The following EYA2 variants were observed in gnomAD, a reference collection of about 807,000 sequenced individuals.
EYA2 encodes protein phosphatase EYA2.
In EYA2, 31 loss-of-function variants were observed where a neutral mutation model predicts 69.2. The observed-to-expected ratio is 0.45, with a 90% confidence interval of 0.34 to 0.60. The LOEUF is 0.60. EYA2 is among the 20% of genes least tolerant of loss of function. The probability of loss-of-function intolerance (pLI) is 0.02; values close to 1 mark genes in which losing one functional copy is unlikely to be tolerated. For missense variants in EYA2, 622 were observed against 701.2 expected, an observed-to-expected ratio of 0.89 and a Z score of 1.28; for synonymous variants, 257 against 279.4, an observed-to-expected ratio of 0.92 and a Z score of 0.80.
intron 15 of EYA2, among the ~76,000 whole-genome samples, chr20:47,186,678 G>A (rs1600784211): frequency 6.6e-6 from 1 of 151,982 alleles, no homozygotes; most frequent in Non-Finnish European, 1.5e-5. Flanking sequence ...GTTCTTCAAG[G>A]TCTGGGTCTC....
At position 47,073,132 on chromosome 20, in the gene EYA2, A is replaced by C. The variant is rs189984766; in HGVS notation, c.483+880A>C. On this transcript the variant is annotated intron_variant, in intron 6 of 15. Transcript: ENST00000327619. Reference sequence around the variant, plus strand: ...TTTCAAAAACACTGACCACCCCCGCAACCCCCACCCCCAGGAACTCTGACT... The same window carrying C: ...TTTCAAAAACACTGACCACCCCCGCCACCCCCACCCCCAGGAACTCTGACT... 3.3e-5 allele frequency among the ~76,000 whole-genome samples: 5 copies of C among 152,240 alleles called. No homozygotes were observed. The East Asian group carries it at 5.8e-4, about 18-fold the overall frequency.
At chr20:47,082,661 A>G (rs1336692343) in intron 7 of EYA2, among the ~76,000 whole-genome samples, 1 of 152,208 alleles carries the variant, frequency 6.6e-6, no homozygotes, top group African/African-American at 2.4e-5. Flanking sequence ...AAATTGAGCT[A>G]TAAGATTAAT....
chr20:47,004,846 A>G, intron 3 of EYA2, 96 bp from the exon 4 acceptor site: 1 of 1,535,276 alleles, frequency 6.5e-7, no homozygotes, highest in South Asian at 1.1e-5. Flanking sequence ...TGGAAAGAGT[A>G]GAACCCCAAA....
Position 46,956,175 on chromosome 20 carries a change from T to C in EYA2, c.-10-33826T>C, listed in dbSNP as rs146965601. Among the ~76,000 whole-genome samples the C allele has an allele frequency of 2.3e-3, 357 of 152,334 alleles. 1 individual carries two copies. Among genetic ancestry groups the C allele is most frequent in the African/African-American group, 8.1e-3 (336 of 41,570 alleles). Reference sequence around the variant, plus strand: ...GGGAGCAGGTGGCAGGAAGAATCACTGATTGTTTTTTAAAAATAATACATT... The same window carrying C: ...GGGAGCAGGTGGCAGGAAGAATCACCGATTGTTTTTTAAAAATAATACATT... On this transcript the variant is annotated intron_variant, in intron 1 of 15. Transcript: ENST00000327619.
At chr20:46,922,973 A>G (rs1485019582) in intron 1 of EYA2, among the ~76,000 whole-genome samples, 1 of 152,212 alleles carries the variant, frequency 6.6e-6, no homozygotes, top group Non-Finnish European at 1.5e-5. Context: ...TAATAAGAAA[A>G]GAGCAGACAA....
intron 1 of EYA2, among the ~76,000 whole-genome samples, chr20:46,941,852 G>T (rs1240599955): frequency 6.6e-6 from 1 of 151,824 alleles, no homozygotes; most frequent in East Asian, 1.9e-4. Flanking sequence ...TCAAACTCCT[G>T]GGCTCAAGGA....
At chr20:46,988,532 A>G (rs1981443507) in intron 1 of EYA2, among the ~76,000 whole-genome samples, 1 of 152,178 alleles carries the variant, frequency 6.6e-6, no homozygotes, top group Non-Finnish European at 1.5e-5. Context: ...GATCTTGCCA[A>G]GGATGACCTT....
At chr20:47,091,085 C>T (rs1249539191) in intron 8 of EYA2, among the ~76,000 whole-genome samples, 1 of 152,160 alleles carries the variant, frequency 6.6e-6, no homozygotes, top group African/African-American at 2.4e-5. Context: ...CTGCAATGCT[C>T]AGCCACAAAC....
chr20:47,108,089 G>A (rs535970533), intron 9 of EYA2, among the ~76,000 whole-genome samples: 2 of 152,304 alleles, frequency 1.3e-5, no homozygotes, highest in South Asian at 2.1e-4. Flanking sequence ...GGAGCTGGTA[G>A]AGATTTGGAG....
At chr20:47,073,637 C>T (rs987946072) in intron 6 of EYA2, among the ~76,000 whole-genome samples, 66 of 152,194 alleles carry the variant, frequency 4.3e-4, no homozygotes, top group African/African-American at 1.5e-3. Flanking sequence ...ATCAGGGCCA[C>T]GTCTATATCC....
intron 1 of EYA2, among the ~76,000 whole-genome samples, chr20:46,938,924 TA>T (rs1353586847): frequency 6.6e-6 from 1 of 152,208 alleles, no homozygotes; most frequent in African/African-American, 2.4e-5. Flanking sequence ...GACCACACAT[TA>T]ATACTGTACT....
At chr20:46,918,779 G>A (rs536777972) in intron 1 of EYA2, among the ~76,000 whole-genome samples, 29 of 152,318 alleles carry the variant, frequency 1.9e-4, no homozygotes, top group Middle Eastern at 3.4e-3. Context: ...ATCTTTTCTA[G>A]AAGGTTTTCA....
intron 9 of EYA2, among the ~76,000 whole-genome samples, chr20:47,125,971 A>G (rs2033181201): frequency 6.6e-6 from 1 of 152,142 alleles, no homozygotes; most frequent in African/African-American, 2.4e-5. Context: ...TCAGGACGTC[A>G]GGGTAATTGA....
At chr20:47,146,869 G>A (rs2033712879) in intron 10 of EYA2, among the ~76,000 whole-genome samples, 1 of 152,194 alleles carries the variant, frequency 6.6e-6, no homozygotes, top group Admixed American at 6.5e-5. Context: ...ACCAAACACA[G>A]CAAGACCCGT....
chr20:46,991,576 AG>A (rs1981661775), intron 2 of EYA2, among the ~76,000 whole-genome samples: 1 of 152,202 alleles, frequency 6.6e-6, no homozygotes, highest in Non-Finnish European at 1.5e-5. Flanking sequence ...CTGGCCCTGA[AG>A]TTTGTCTTTG....
intron 5 of EYA2, among the ~76,000 whole-genome samples, chr20:47,066,658 C>G (rs2031119395): frequency 6.6e-6 from 1 of 152,174 alleles, no homozygotes; most frequent in African/African-American, 2.4e-5. Flanking sequence ...TAGAACTCAT[C>G]ATGTGGCCAC....
At chr20:46,907,823 A>G (rs887543887) in intron 1 of EYA2, among the ~76,000 whole-genome samples, 5 of 143,932 alleles carry the variant, frequency 3.5e-5, no homozygotes, top group Non-Finnish European at 6.1e-5. Flanking sequence ...TGACAGAGGG[A>G]GACTCCATCT....
intron 1 of EYA2, among the ~76,000 whole-genome samples, chr20:46,950,799 C>T (rs112100140): frequency 6.6e-6 from 1 of 152,136 alleles, no homozygotes; most frequent in East Asian, 1.9e-4. Context: ...AAGCTGACCT[C>T]AAGATCAGGG....
At chr20:46,987,324 T>C (rs1981295681) in intron 1 of EYA2, among the ~76,000 whole-genome samples, 2 of 152,206 alleles carry the variant, frequency 1.3e-5, no homozygotes, top group Admixed American at 6.5e-5. Flanking sequence ...ATCCTTCTTT[T>C]GATTATTTTG....
Sources: gnomAD v4.1 joint callset for allele counts (sites outside exome capture counted in the v4.1 genomes callset) on GRCh38, gnomAD v4.1.1 for gene constraint, MANE v1.5 for transcripts, NCBI Gene and HGNC (gene_info 2026-07-23, HGNC 2026-07-21) for gene names.